Variants in XRN2 observed in about 807,000 individuals in gnomAD.
XRN2 encodes DHM1-like protein.
In XRN2, 44 loss-of-function variants were observed where a neutral mutation model predicts 138.5. The ratio of observed to expected loss-of-function variants is 0.32; its 90% CI spans 0.25 to 0.41. The LOEUF is 0.41. XRN2 is among the 10% of genes least tolerant of loss of function. XRN2 has a pLI of 1.00. For synonymous variants in XRN2, 354 were observed against 369.4 expected (o/e 0.96, Z 0.48); for missense variants, 937 against 1,169.3 (o/e 0.80, Z 2.90).
intron 24 of XRN2, among the ~76,000 whole-genome samples, chr20:21,359,237 A>G (rs188316394): frequency 6.6e-6 from 1 of 152,204 alleles, no homozygotes; most frequent in East Asian, 1.9e-4. Context: ...AAGATTATTA[A>G]ATTTATAAAA....
chr20:21,364,082 C>A (rs1407458901), intron 24 of XRN2, among the ~76,000 whole-genome samples: 1 of 152,122 alleles, frequency 6.6e-6, no homozygotes, highest in Non-Finnish European at 1.5e-5. Context: ...CAGGCGCCCG[C>A]CACCACGCCC....
At chr20:21,366,271 G>T (rs2122311629) in intron 26 of XRN2, among the ~76,000 whole-genome samples, 1 of 141,582 alleles carries the variant, frequency 7.1e-6, no homozygotes, top group African/African-American at 2.6e-5. Context: ...GTTTGGGCCG[G>T]GCACGGTGGC....
intron 20 of XRN2, among the ~76,000 whole-genome samples, chr20:21,353,223 GATATAT>G (rs869071652): frequency 0.044 from 4,929 of 112,760 alleles, 102 homozygotes; most frequent in Non-Finnish European, 0.052. Context: ...TAGTGGGTAG[GATATAT>G]ATATATATAT....
At chr20:21,303,823 G>C in intron 1 of XRN2, 1 of 1,057,058 alleles carries the variant, frequency 9.5e-7, no homozygotes. Flanking sequence ...AGGTTCAGAG[G>C]CTGTTGTTGA....
chr20:21,332,666 CT>C (rs946288472), intron 9 of XRN2, among the ~76,000 whole-genome samples: 21 of 148,604 alleles, frequency 1.4e-4, no homozygotes, highest in African/African-American at 3.5e-4. Flanking sequence ...TATCTTTTTT[CT>C]TTTTTTTTTC....
chr20:21,372,460 A>G (rs2038773996), intron 27 of XRN2, among the ~76,000 whole-genome samples: 1 of 152,218 alleles, frequency 6.6e-6, no homozygotes. Context: ...GCTAATTTTT[A>G]AAATATTTTT....
intron 28 of XRN2, among the ~76,000 whole-genome samples, chr20:21,382,284 A>G (rs16982707): frequency 0.1 from 15,504 of 152,158 alleles, 1,404 homozygotes; most frequent in African/African-American, 0.25. Context: ...CCTTTATTTT[A>G]TTGATGCTTT....
intron 15 of XRN2, 136 bp from the exon 16 acceptor site, chr20:21,343,953 TA>T (rs1452016420): frequency 1.7e-6 from 1 of 590,694 alleles, no homozygotes; most frequent in East Asian, 2.8e-5. Context: ...CTGTACCTTC[TA>T]AATATGTTTA....
intron 1 of XRN2, among the ~76,000 whole-genome samples, chr20:21,318,947 T>C (rs1021116173): frequency 8.5e-5 from 13 of 152,170 alleles, no homozygotes; most frequent in African/African-American, 2.7e-4. Context: ...GTTCAAATTA[T>C]CTGTTTTCAT....
chr20:21,334,747 G>A (rs2038262222), intron 13 of XRN2, among the ~76,000 whole-genome samples: 1 of 152,232 alleles, frequency 6.6e-6, no homozygotes, highest in South Asian at 2.1e-4. Context: ...TGGGCAGTTA[G>A]GAATTTGCTG....
intron 20 of XRN2, among the ~76,000 whole-genome samples, chr20:21,351,166 C>T (rs2038506121): frequency 6.6e-6 from 1 of 152,154 alleles, no homozygotes; most frequent in Non-Finnish European, 1.5e-5. Context: ...TACATTATTT[C>T]TTTCACTGAC....
chr20:21,309,598 ATTC>A (rs1170081495), intron 1 of XRN2, among the ~76,000 whole-genome samples: 4 of 152,244 alleles, frequency 2.6e-5, no homozygotes, highest in South Asian at 2.1e-4. Context: ...GCCCAAGACA[ATTC>A]TTCTTCCAAA....
At chr20:21,303,886 A>C (rs1225916054) in intron 1 of XRN2, 4 of 982,852 alleles carry the variant, frequency 4.1e-6, no homozygotes, top group Non-Finnish European at 4.8e-6. Context: ...ACGGATTCGG[A>C]GGCCAGCTTT....
At chr20:21,359,578 G>A (rs958032902) in intron 24 of XRN2, among the ~76,000 whole-genome samples, 2 of 151,946 alleles carry the variant, frequency 1.3e-5, no homozygotes, top group African/African-American at 4.8e-5. Context: ...ATATTCAGGT[G>A]TATATTGAAA....
At chr20:21,332,153 C>A in intron 8 of XRN2, 130 bp from the exon 9 acceptor site, 1 of 1,155,362 alleles carries the variant, frequency 8.7e-7, no homozygotes, top group Non-Finnish European at 1.2e-6. Context: ...AAGTGTCAAG[C>A]TTTGGGGCTT....
intron 29 of XRN2, among the ~76,000 whole-genome samples, chr20:21,388,397 T>C (rs1176993428): frequency 1.2e-4 from 18 of 152,264 alleles, no homozygotes; most frequent in Non-Finnish European, 1.5e-5. Context: ...ATAACATTTC[T>C]TCTTTCTCAG....
intron 20 of XRN2, among the ~76,000 whole-genome samples, chr20:21,352,053 G>A (rs565422033): frequency 6.6e-6 from 1 of 152,210 alleles, no homozygotes; most frequent in East Asian, 1.9e-4. Context: ...TTTAGGATGG[G>A]TTTAAATTTT....
In XRN2 at chr20:21,382,116, A is replaced by G. The variant is rs978589594; in HGVS notation, c.2648+59A>G. ...TTTCTGACACCAACATTTGGGGTTT[A>G]TGGTTTTTATGGAAGCTAAAACCTC... On this transcript the variant is annotated intron_variant, in intron 28 of 29. Coordinates refer to ENST00000377191, the MANE Select transcript of XRN2 (RefSeq NM_012255.5). 37 of 1,464,862 alleles carry G rather than the reference A, an allele frequency of 2.5e-5. No homozygotes were observed. The Admixed American group carries it at 7.2e-4, about 28-fold the overall frequency. 90.7% of individuals were successfully genotyped at this position (1,464,862 alleles called of 1,614,324 possible).
chr20:21,378,073 G>A (rs1387993653), intron 27 of XRN2, among the ~76,000 whole-genome samples: 1 of 152,144 alleles, frequency 6.6e-6, no homozygotes, highest in Non-Finnish European at 1.5e-5. Flanking sequence ...AGATTTTGAG[G>A]GGTAGTATTA....
Sources: gnomAD v4.1 joint callset for allele counts (sites outside exome capture counted in the v4.1 genomes callset) on GRCh38, gnomAD v4.1.1 for gene constraint, MANE v1.5 for transcripts, NCBI Gene and HGNC (gene_info 2026-07-23, HGNC 2026-07-21) for gene names.